LRCH3: variants seen among roughly 807,000 people sequenced by gnomAD.
LRCH3 encodes the protein DISP complex protein LRCH3.
LRCH3 carries 68 observed loss-of-function variants against 104.5 expected under a neutral mutation model. The observed-to-expected ratio is 0.65, with a 90% CI of 0.54 to 0.80. The LOEUF (loss-of-function observed/expected upper bound fraction) is 0.80, where lower values mean the gene tolerates loss of function less well. Ranked by LOEUF, LRCH3 falls within the 30% of genes least tolerant of loss-of-function variation. The pLI is 0.00. For synonymous variants in LRCH3, 344 were observed against 361.3 expected, an observed-to-expected ratio of 0.95 and a Z score of 0.54; for missense variants, 951 against 953.9, an observed-to-expected ratio of 1.00 and a Z score of 0.04.
intron 1 of LRCH3, among the ~76,000 whole-genome samples, chr3:197,804,454 T>TA (rs201536650): frequency 6.6e-6 from 1 of 151,938 alleles, no homozygotes; most frequent in African/African-American, 2.4e-5. Context: ...TACTGGAAAA[T>TA]AAAAAAACCT....
At chr3:197,874,286 T>G (rs1227928836) in intron 19 of LRCH3, among the ~76,000 whole-genome samples, 2 of 152,126 alleles carry the variant, frequency 1.3e-5, no homozygotes, top group Non-Finnish European at 2.9e-5. Flanking sequence ...CCACCCGAGC[T>G]CTGCCTCCTG....
chr3:197,829,316 C>T (rs994175592), intron 5 of LRCH3, among the ~76,000 whole-genome samples: 2 of 152,084 alleles, frequency 1.3e-5, no homozygotes, highest in Admixed American at 6.6e-5. Flanking sequence ...ACAGTATAAT[C>T]AAAAGTTATT....
At chr3:197,796,545 T>C (rs557288558) in intron 1 of LRCH3, among the ~76,000 whole-genome samples, 15 of 152,350 alleles carry the variant, frequency 9.8e-5, no homozygotes, top group Non-Finnish European at 2.2e-4. Flanking sequence ...AGAAAGATGG[T>C]AATGCTATTG....
intron 1 of LRCH3, among the ~76,000 whole-genome samples, chr3:197,811,188 A>G (rs183765905): frequency 2.0e-5 from 3 of 152,314 alleles, no homozygotes; most frequent in East Asian, 3.9e-4. Flanking sequence ...CACCATGAAC[A>G]GTATCATTGT....
In LRCH3 at chr3:197,850,442, G is replaced by A. The variant is rs530642345; in HGVS notation, c.1531-2119G>A. On this transcript the variant is annotated intron_variant, in intron 12 of 20. Coordinates refer to ENST00000425562, the MANE Select transcript of LRCH3 (RefSeq NM_001365715.1). Reference sequence around the variant, plus strand: ...GTTTTTGTTTCTTCAGTTTCTTCTGGGATATCTTTTTCTTCTGGGCAACCT... The same window carrying A: ...GTTTTTGTTTCTTCAGTTTCTTCTGAGATATCTTTTTCTTCTGGGCAACCT... 29 of 1,556,080 alleles carry A rather than the reference G, an allele frequency of 1.9e-5. No individual in the cohort carries two copies. In the Admixed American group the frequency reaches 4.9e-4, roughly 26 times the overall value.
rs1713951168 is a variant in LRCH3, at chr3:197,883,351, A to G, written c.2209-190A>G. ...TGTATGTACTTTTAGTTGTATTAAT[A>G]AAGTGACAGTGAGTGTCAGACACCA... On this transcript the variant is annotated intron_variant, in intron 20 of 20. Transcript: ENST00000425562. This position sits in a 1 kb window ranked among gnomAD's most constrained non-coding sequence, Gnocchi z 4.2. The G allele has an allele frequency of 7.2e-7, 1 of 1,386,994 alleles. No homozygotes were observed. Among genetic ancestry groups the G allele is most frequent in the South Asian group, 1.6e-5 (1 of 61,598 alleles). 85.9% of individuals were successfully genotyped at this position (1,386,994 alleles called of 1,614,324 possible).
rs748579801 is a variant in LRCH3, at chr3:197,830,793, G to A, written c.911G>A (p.Arg304His). ...AGCCATGAAGAACTGTACTCAAGTC[G>A]CCCTTATGGAGCCCTTGATTCAGGC... The part of the protein sequence containing the change: ...GSCHEELYSS[R>H]PYGALDSGFN... The change falls in exon 7 of 21, where the codon CGC (arginine) becomes CAC (histidine). Residue 304 changes from arginine (R) to histidine (H), a missense_variant. Transcript: ENST00000425562. 38 of 1,613,782 alleles carry A rather than the reference G, an allele frequency of 2.4e-5. No homozygotes were observed. The highest frequency in any genetic ancestry group is 4.5e-5 in the East Asian group (2 of 44,880).
At chr3:197,858,455 T>A (rs1031938449) in intron 14 of LRCH3, among the ~76,000 whole-genome samples, 1 of 152,078 alleles carries the variant, frequency 6.6e-6, no homozygotes, top group African/African-American at 2.4e-5. Context: ...GATATTGTTT[T>A]TATTGATGCC....
chr3:197,854,590 C>T lies in LRCH3; in HGVS notation c.1644+145C>T. 1 of 783,578 alleles carries T rather than the reference C, an allele frequency of 1.3e-6. No individual in the cohort carries two copies. Among genetic ancestry groups the T allele is most frequent in the Non-Finnish European group, 2.1e-6 (1 of 471,252 alleles). The allele number at this position is 783,578 out of a possible 1,614,324, so 48.5% of individuals were successfully genotyped here. A position where few individuals can be genotyped will look rare whatever the true frequency, so the allele number is the denominator to read the frequency against. On this transcript the variant is annotated intron_variant, in intron 14 of 20. Coordinates refer to ENST00000425562, the MANE Select transcript of LRCH3 (RefSeq NM_001365715.1). This position sits in a 1 kb window ranked among gnomAD's most constrained non-coding sequence, Gnocchi z 4.5. ...GAACTAAACCATTTTCCCACATGAC[C>T]ATTTGTGATTGACCCAGTGTTTCAA...
In LRCH3 at chr3:197,820,536, C is replaced by T. The variant is rs768978769; in HGVS notation, c.640+106C>T. The T allele has an allele frequency of 1.8e-4, 132 of 725,406 alleles. No individual in the cohort carries two copies. In the African/African-American group the frequency reaches 1.9e-3, roughly 10 times the overall value. The allele number at this position is 725,406 out of a possible 1,614,324, so 44.9% of individuals were successfully genotyped here. ...GTATAAGGGTTACATCTAGGCTGGGCGCTGTGGCTCCTGCCTGTAATGCCA... is the reference window on the plus strand; with the variant it reads ...GTATAAGGGTTACATCTAGGCTGGGTGCTGTGGCTCCTGCCTGTAATGCCA... On this transcript the variant is annotated intron_variant, in intron 4 of 20. Coordinates refer to ENST00000425562, the MANE Select transcript of LRCH3 (RefSeq NM_001365715.1).
intron 13 of LRCH3, 130 bp downstream of exon 13, chr3:197,852,750 C>T: frequency 1.1e-6 from 1 of 918,950 alleles, no homozygotes; most frequent in South Asian, 1.5e-5. Flanking sequence ...TCACAATATT[C>T]TCCTTATGAG....
intron 20 of LRCH3, among the ~76,000 whole-genome samples, chr3:197,880,131 A>C (rs9758436): frequency 2.0e-5 from 3 of 147,140 alleles, no homozygotes; most frequent in African/African-American, 2.5e-5. Flanking sequence ...ATTTTTAGTA[A>C]AGACGGGGTT....
chr3:197,855,433 C>T (rs1291081810), intron 14 of LRCH3, among the ~76,000 whole-genome samples: 1 of 152,192 alleles, frequency 6.6e-6, no homozygotes, highest in Non-Finnish European at 1.5e-5. Context: ...CCAAAATTAT[C>T]TCATTTACTC....
Position 197,833,365 on chromosome 3 carries a change from G to GAAAAAAAAAAAAA in LRCH3, c.1102+1062_1102+1074dup, listed in dbSNP as rs71166710. Among the ~76,000 whole-genome samples the GAAAAAAAAAAAAA allele has an allele frequency of 1.2e-4, 4 of 33,338 alleles. 1 individual carries two copies. Among genetic ancestry groups the GAAAAAAAAAAAAA allele is most frequent in the Non-Finnish European group, 9.7e-5 (2 of 20,720 alleles). 21.9% of individuals were successfully genotyped at this position (33,338 alleles called of 152,430 possible). On this transcript the variant is annotated intron_variant, in intron 8 of 20. Coordinates refer to ENST00000425562, the MANE Select transcript of LRCH3 (RefSeq NM_001365715.1). ...TGAAACCCCATCTCTACTAAAAACCGAAAAAAAAAAAAAAAAAAAAAAAAA... is the reference window on the plus strand; with the variant it reads ...TGAAACCCCATCTCTACTAAAAACCGAAAAAAAAAAAAAAAAAAAAAAAAAAAAAAAAAAAAAA...
intron 17 of LRCH3, among the ~76,000 whole-genome samples, chr3:197,868,273 A>G (rs1430732476): frequency 6.6e-6 from 1 of 152,240 alleles, no homozygotes; most frequent in Admixed American, 6.5e-5. Context: ...TAATTTTGAA[A>G]TACAGTATAG....
intron 20 of LRCH3, among the ~76,000 whole-genome samples, chr3:197,880,109 C>G (rs1048660515): frequency 1.3e-5 from 2 of 151,016 alleles, no homozygotes; most frequent in African/African-American, 2.5e-5. Flanking sequence ...CCACGCCCGG[C>G]TAATTTTTTG....
intron 1 of LRCH3, among the ~76,000 whole-genome samples, chr3:197,798,618 T>C (rs1731536945): frequency 1.3e-5 from 2 of 152,222 alleles, no homozygotes; most frequent in South Asian, 4.1e-4. Flanking sequence ...ACTGCTAAAA[T>C]GCCATTTAAT....
rs1195737203 is a variant in LRCH3, at chr3:197,810,046, A to C, written c.263-4862A>C. Among the ~76,000 whole-genome samples, 3 of 152,180 alleles carry C rather than the reference A, an allele frequency of 2.0e-5. No individual in the cohort carries two copies. The highest frequency in any genetic ancestry group is 4.4e-5 in the Non-Finnish European group (3 of 68,016). ...AGGGGTGAGGCTACTCAAAGGTTGC[A>C]TGGGAAGCCTGTTTTTTTCCAGTTT... On this transcript the variant is annotated intron_variant, in intron 1 of 20. Transcript: ENST00000425562. The surrounding 1 kb of genome is among the most constrained non-coding windows in gnomAD (Gnocchi z 4.0).
intron 1 of LRCH3, among the ~76,000 whole-genome samples, chr3:197,801,430 A>G (rs1243763816): frequency 6.6e-6 from 1 of 152,122 alleles, no homozygotes; most frequent in Non-Finnish European, 1.5e-5. Context: ...TTCATGTTAT[A>G]CTTTTAAAAA....
Sources: gnomAD v4.1 joint callset for allele counts (sites outside exome capture counted in the v4.1 genomes callset) on GRCh38, gnomAD v4.1.1 for gene constraint, Gnocchi (gnomAD v3.1) non-coding constraint, MANE v1.5 for transcripts, NCBI Gene and HGNC (gene_info 2026-07-23, HGNC 2026-07-21) for gene names.